NFIA: variants seen among roughly 807,000 people sequenced by gnomAD.
NFIA encodes nuclear factor 1 A-type.
NFIA carries 8 observed loss-of-function variants against 62.8 expected under a neutral mutation model. The ratio of observed to expected loss-of-function variants is 0.13; its 90% CI spans 0.07 to 0.23. NFIA has a LOEUF of 0.23. Ranked by LOEUF, NFIA falls within the 10% of genes least tolerant of loss-of-function variation. The pLI, the probability that NFIA is intolerant of heterozygous loss-of-function variation, is 1.00. For missense variants in NFIA, 410 were observed against 642.1 expected (o/e 0.64, Z 3.91); for synonymous variants, 235 against 238.1 (o/e 0.99, Z 0.12).
chr1:61,296,909 AC>A (rs532673646), intron 3 of NFIA, among the ~76,000 whole-genome samples: 38 of 152,296 alleles, frequency 2.5e-4, no homozygotes, highest in Non-Finnish European at 2.6e-4. Context: ...AGCTAGAAGT[AC>A]GGCAGAATGG....
chr1:61,184,570 C>T (rs1210565616), intron 2 of NFIA, among the ~76,000 whole-genome samples: 2 of 152,258 alleles, frequency 1.3e-5, no homozygotes, highest in South Asian at 2.1e-4. Context: ...ACAGCACACT[C>T]GCTGGGTGAG....
chr1:61,249,734 G>A (rs1219589032), intron 2 of NFIA, among the ~76,000 whole-genome samples: 1 of 152,172 alleles, frequency 6.6e-6, no homozygotes, highest in Non-Finnish European at 1.5e-5. Flanking sequence ...GAACCCGGGA[G>A]GCGGAGGTTG....
intron 2 of NFIA, among the ~76,000 whole-genome samples, chr1:61,275,157 G>A (rs561861295): frequency 2.6e-5 from 4 of 152,154 alleles, no homozygotes; most frequent in Non-Finnish European, 5.9e-5. Flanking sequence ...GAGCTTTCAC[G>A]AGAATGCGGC....
chr1:61,379,273 C>G (rs1664293259), intron 6 of NFIA, among the ~76,000 whole-genome samples: 1 of 151,980 alleles, frequency 6.6e-6, no homozygotes, highest in African/African-American at 2.4e-5. Context: ...TCTCTGTTGC[C>G]CAGGCTGGAG....
chr1:61,214,842 A>T (rs1653509019), intron 2 of NFIA, among the ~76,000 whole-genome samples: 1 of 152,242 alleles, frequency 6.6e-6, no homozygotes, highest in South Asian at 2.1e-4. Flanking sequence ...ATGGCACTGA[A>T]GTTTTATGCT....
At chr1:61,101,072 A>G (rs1646499916) in intron 2 of NFIA, among the ~76,000 whole-genome samples, 1 of 152,098 alleles carries the variant, frequency 6.6e-6, no homozygotes, top group Non-Finnish European at 1.5e-5. Context: ...TCAAGCAGAC[A>G]GAAGATGGTG....
chr1:61,337,857 G>C (rs757516168), intron 4 of NFIA, among the ~76,000 whole-genome samples: 1 of 152,134 alleles, frequency 6.6e-6, no homozygotes, highest in Non-Finnish European at 1.5e-5. Flanking sequence ...GAGTGCTAAG[G>C]CTGTCAAATA....
At chr1:61,298,271 C>T (rs1320407724) in intron 3 of NFIA, among the ~76,000 whole-genome samples, 2 of 152,152 alleles carry the variant, frequency 1.3e-5, no homozygotes, top group Non-Finnish European at 1.5e-5. Context: ...TAAGATGTGT[C>T]TGCTTCCCCT....
In NFIA at chr1:61,455,688, G is replaced by C. The variant is rs1223449665; in HGVS notation, c.*368G>C. 3.2e-6 allele frequency: 1 copy of C among 309,998 alleles called. No individual in the cohort carries two copies. Among genetic ancestry groups the C allele is most frequent in the African/African-American group, 2.2e-5 (1 of 46,132 alleles). The allele number at this position is 309,998 out of a possible 1,614,324, so 19.2% of individuals were successfully genotyped here. On this transcript the variant is annotated 3_prime_UTR_variant, in exon 11 of 11. Coordinates refer to ENST00000403491, the MANE Select transcript of NFIA (RefSeq NM_001134673.4). Reference sequence around the variant, plus strand: ...CCTGTTGTAACACACTTTCCTTACGGAGCCTGGCTGTTTCACAGTATTTCA... The same window carrying C: ...CCTGTTGTAACACACTTTCCTTACGCAGCCTGGCTGTTTCACAGTATTTCA...
intron 2 of NFIA, among the ~76,000 whole-genome samples, chr1:61,137,151 A>G (rs1202996752): frequency 6.6e-6 from 1 of 152,202 alleles, no homozygotes; most frequent in Non-Finnish European, 1.5e-5. Flanking sequence ...TTTGGAAGAA[A>G]AGGTGACTCA....
At chr1:61,434,435 A>G (rs1373461601) in intron 10 of NFIA, among the ~76,000 whole-genome samples, 3 of 152,110 alleles carry the variant, frequency 2.0e-5, no homozygotes, top group African/African-American at 7.2e-5. Context: ...CTCTTCACAT[A>G]CACTTGGCGG....
At chr1:61,101,822 T>G (rs1184926307) in intron 2 of NFIA, among the ~76,000 whole-genome samples, 1 of 152,208 alleles carries the variant, frequency 6.6e-6, no homozygotes, top group African/African-American at 2.4e-5. Context: ...AGAAAGCATG[T>G]AAGGGGTCTT....
intron 2 of NFIA, among the ~76,000 whole-genome samples, chr1:61,251,905 A>G (rs1291760118): frequency 6.6e-6 from 1 of 152,206 alleles, no homozygotes; most frequent in Non-Finnish European, 1.5e-5. Context: ...TATTTAGATC[A>G]ACTTGAATAT....
At chr1:61,286,963 G>A (rs954349958) in intron 3 of NFIA, among the ~76,000 whole-genome samples, 4 of 152,192 alleles carry the variant, frequency 2.6e-5, no homozygotes, top group Non-Finnish European at 5.9e-5. Context: ...AAGGGGGTTG[G>A]TGTGGCTTGA....
At chr1:61,105,766 A>G (rs554350095) in intron 2 of NFIA, among the ~76,000 whole-genome samples, 30 of 152,032 alleles carry the variant, frequency 2.0e-4, no homozygotes, top group African/African-American at 7.0e-4. Flanking sequence ...ATGGATGGAC[A>G]TTGCTATTGC....
chr1:61,402,907 G>A (rs548576991), intron 7 of NFIA, among the ~76,000 whole-genome samples: 2 of 152,234 alleles, frequency 1.3e-5, no homozygotes, highest in South Asian at 2.1e-4. Context: ...AGGAGATCCC[G>A]GTAGGGAACA....
intron 9 of NFIA, among the ~76,000 whole-genome samples, chr1:61,417,745 G>T (rs1208722272): frequency 6.6e-6 from 1 of 152,136 alleles, no homozygotes; most frequent in Non-Finnish European, 1.5e-5. Flanking sequence ...GGAATCAGTA[G>T]TCCCTGATGA....
chr1:61,119,876 T>G (rs1047660038), intron 2 of NFIA, among the ~76,000 whole-genome samples: 6 of 152,200 alleles, frequency 3.9e-5, no homozygotes, highest in Non-Finnish European at 7.3e-5. Context: ...CAGCCTTGCC[T>G]CTGTATGCCC....
intron 5 of NFIA, among the ~76,000 whole-genome samples, chr1:61,358,626 G>A (rs1184750085): frequency 1.3e-5 from 2 of 151,990 alleles, no homozygotes; most frequent in Non-Finnish European, 2.9e-5. Flanking sequence ...CCTCAAGTGT[G>A]ATCAGCCTGC....
Sources: gnomAD v4.1 joint callset for allele counts (sites outside exome capture counted in the v4.1 genomes callset) on GRCh38, gnomAD v4.1.1 for gene constraint, MANE v1.5 for transcripts, NCBI Gene and HGNC (gene_info 2026-07-23, HGNC 2026-07-21) for gene names.